TPD52L1: variants seen among roughly 807,000 people sequenced by gnomAD.
TPD52L1 encodes the protein tumor protein D53.
Under a neutral mutation model 28.7 loss-of-function variants are expected in TPD52L1, and 18 were observed. The ratio of observed to expected loss-of-function variants is 0.63; its 90% CI spans 0.43 to 0.93. TPD52L1 has a LOEUF of 0.93. TPD52L1 is among the 40% of genes least tolerant of loss of function. The pLI is 0.00. For synonymous variants in TPD52L1, 75 were observed against 88.8 expected, an observed-to-expected ratio of 0.84 and a Z score of 0.88; for missense variants, 203 against 254.8, an observed-to-expected ratio of 0.80 and a Z score of 1.39.
intron 3 of TPD52L1, among the ~76,000 whole-genome samples, chr6:125,247,318 T>C (rs1201137817): frequency 6.6e-6 from 1 of 152,210 alleles, no homozygotes; most frequent in Admixed American, 6.5e-5. Flanking sequence ...GTTGATTTAC[T>C]ATTATTCCTC....
In TPD52L1 at chr6:125,220,167, G is replaced by A. The variant is rs1457816825; in HGVS notation, c.109G>A (p.Glu37Lys). 7.4e-6 allele frequency: 12 copies of A among 1,613,370 alleles called. No homozygotes were observed. In the East Asian group the frequency reaches 1.6e-4, roughly 21 times the overall value. Residue 37 changes from glutamate (E) to lysine (K), a missense_variant, in exon 2 of 7, where the codon GAA becomes AAA. By Grantham distance (56) the Glu-to-Lys change is moderately conservative. Transcript: ENST00000534000. The stretch of plus-strand genomic sequence containing the variant: ...TAGCATGCTCTCTGAGGAGGAAAAG[G>A]AAGAGTTAAAAGCAGAGTTAGTTCA... ...FSSMLSEEEKEELKAELVQLE... is the reference protein window; with the variant it reads ...FSSMLSEEEKKELKAELVQLE...
At position 125,257,061 on chromosome 6, in the gene TPD52L1, G is replaced by A. The variant is rs765133035; in HGVS notation, c.426-37G>A. On this transcript the variant is annotated intron_variant, in intron 5 of 6. Transcript: ENST00000534000. ...ACAGCATGGTTGCTAAGACAGCTAGGCCTTTGGAGCTGACCTCTCTCTTTT... is the reference window on the plus strand; with the variant it reads ...ACAGCATGGTTGCTAAGACAGCTAGACCTTTGGAGCTGACCTCTCTCTTTT... 13 of 1,578,338 alleles carry A rather than the reference G, an allele frequency of 8.2e-6. No individual in the cohort carries two copies. The East Asian group carries it at 2.0e-4, about 25-fold the overall frequency.
At chr6:125,260,868 G>A (rs1797878360) in intron 6 of TPD52L1, 1 of 137,488 alleles carries the variant, frequency 7.3e-6, no homozygotes, top group Non-Finnish European at 1.6e-5. Context: ...GAGAAAGAAA[G>A]AAAAGAAAGA....
chr6:125,204,253 A>G (rs902565503), intron 1 of TPD52L1, among the ~76,000 whole-genome samples: 1 of 152,196 alleles, frequency 6.6e-6, no homozygotes, highest in Non-Finnish European at 1.5e-5. Flanking sequence ...TGATAGAATG[A>G]AAGCTAGACC....
In TPD52L1 at chr6:125,175,080, A is replaced by G. The variant is rs1791736734; in HGVS notation, c.19+21110A>G. ...TTACTCTGCCTTATTTTTCTTCACA[A>G]ACTATGACATTTTATATTATGCATA... On this transcript the variant is annotated intron_variant, in intron 1 of 6. Coordinates refer to ENST00000534000, the MANE Select transcript of TPD52L1 (RefSeq NM_003287.4). Among the ~76,000 whole-genome samples, 2 of 152,234 alleles carry G rather than the reference A, an allele frequency of 1.3e-5. 1 individual carries two copies. The highest frequency in any genetic ancestry group is 6.8e-3 in the Middle Eastern group (2 of 294).
chr6:125,159,051 T>G lies in TPD52L1; in HGVS notation c.19+5081T>G, dbSNP rs909671200. ...CTGGATGTCGATGGCTGCTGACTGA[T>G]CCGAATGGTGGTTGCCGAAGGCTGA... On this transcript the variant is annotated intron_variant, in intron 1 of 6. Transcript: ENST00000534000. Among the ~76,000 whole-genome samples the G allele has an allele frequency of 3.3e-5, 5 of 152,222 alleles. No individual in the cohort carries two copies. The South Asian group carries it at 1.0e-3, about 32-fold the overall frequency.
At chr6:125,253,057 A>G (rs1797376138) in intron 4 of TPD52L1, 1 of 152,292 alleles carries the variant, frequency 6.6e-6, no homozygotes, top group Admixed American at 6.5e-5. Context: ...AACCAGAGGG[A>G]AGATGAATCA....
At chr6:125,172,525 T>TATA (rs1554202596) in intron 1 of TPD52L1, among the ~76,000 whole-genome samples, 1 of 71,198 alleles carries the variant, frequency 1.4e-5, no homozygotes, top group African/African-American at 7.6e-5. Context: ...TATATATATA[T>TATA]ATATATATAT....
rs991553816 is a variant in TPD52L1, at chr6:125,154,406, A to G, written c.19+436A>G. The G allele has an allele frequency of 2.3e-4, 230 of 992,634 alleles. 2 individuals are homozygous for G. In the African/African-American group the frequency reaches 3.7e-3, roughly 16 times the overall value. 61.5% of individuals were successfully genotyped at this position (992,634 alleles called of 1,614,324 possible). A position where few individuals can be genotyped will look rare whatever the true frequency, so the allele number is the denominator to read the frequency against. On this transcript the variant is annotated intron_variant, in intron 1 of 6. Coordinates refer to ENST00000534000, the MANE Select transcript of TPD52L1 (RefSeq NM_003287.4). ...GCGGCTTGTGGCTCCCAAGTTAGGG[A>G]GTGAGAGGATCGCCCGCCGAGGGGG... is the stretch of plus-strand genomic sequence containing the variant.
At chr6:125,175,576 C>G (rs935571134) in intron 1 of TPD52L1, among the ~76,000 whole-genome samples, 3 of 151,932 alleles carry the variant, frequency 2.0e-5, no homozygotes, top group African/African-American at 7.3e-5. Flanking sequence ...AATATGGGAA[C>G]TGGGGAGGAA....
chr6:125,180,904 T>C lies in TPD52L1; in HGVS notation c.19+26934T>C, dbSNP rs1792149545. ...TATTATCATAGGTCTTTATGTTTGC[T>C]GAATGCTTTTCAGTATATCTGATTG... On this transcript the variant is annotated intron_variant, in intron 1 of 6. Transcript: ENST00000534000. Among the ~76,000 whole-genome samples the C allele has an allele frequency of 4.3e-5, 6 of 141,138 alleles. No homozygotes were observed. The South Asian group carries it at 1.4e-3, about 32-fold the overall frequency. The allele number at this position is 141,138 out of a possible 152,430, so 92.6% of individuals were successfully genotyped here. A position where few individuals can be genotyped will look rare whatever the true frequency, so the allele number is the denominator to read the frequency against.
At chr6:125,203,336 C>T (rs1793914652) in intron 1 of TPD52L1, among the ~76,000 whole-genome samples, 1 of 151,910 alleles carries the variant, frequency 6.6e-6, no homozygotes, top group African/African-American at 2.4e-5. Context: ...GTTTTTCCTT[C>T]CCAAATTTGT....
At chr6:125,259,999 AT>A (rs1304224736) in intron 6 of TPD52L1, 1 of 152,244 alleles carries the variant, frequency 6.6e-6, no homozygotes, top group Non-Finnish European at 1.5e-5. Context: ...TCTTTGCCAA[AT>A]TGATTTCTTA....
chr6:125,238,884 GGC>G (rs1796443692), intron 3 of TPD52L1, among the ~76,000 whole-genome samples: 1 of 152,140 alleles, frequency 6.6e-6, no homozygotes, highest in Non-Finnish European at 1.5e-5. Context: ...TCAGTTGATG[GGC>G]ATGTAAGCTG....
At chr6:125,210,444 A>G (rs1794418604) in intron 1 of TPD52L1, among the ~76,000 whole-genome samples, 1 of 152,236 alleles carries the variant, frequency 6.6e-6, no homozygotes, top group African/African-American at 2.4e-5. Context: ...AGAGAAGGTA[A>G]TGCCAAATGA....
intron 1 of TPD52L1, among the ~76,000 whole-genome samples, chr6:125,158,882 T>C (rs1207391958): frequency 1.3e-5 from 2 of 152,256 alleles, no homozygotes; most frequent in East Asian, 3.8e-4. Context: ...GTTTATACTA[T>C]ACTGTAGTTT....
At chr6:125,186,283 T>C (rs62432190) in intron 1 of TPD52L1, among the ~76,000 whole-genome samples, 13,537 of 152,182 alleles carry the variant, frequency 0.089, 717 homozygotes, top group Middle Eastern at 0.14. Flanking sequence ...ACCGCCTCTG[T>C]CACAACCACT....
Position 125,180,569 on chromosome 6 carries a change from T to TACAC in TPD52L1, c.19+26622_19+26625dup, listed in dbSNP as rs374673277. 4.7e-5 allele frequency among the ~76,000 whole-genome samples: 7 copies of TACAC among 150,146 alleles called. No homozygotes were observed. In the South Asian group the frequency reaches 6.4e-4, roughly 14 times the overall value. On this transcript the variant is annotated intron_variant, in intron 1 of 6. Transcript: ENST00000534000. The stretch of plus-strand genomic sequence containing the variant: ...TACACACACACACATATATTATATA[T>TACAC]ACACACACACACACACACACACACA...
At chr6:125,237,680 C>T (rs558170446) in intron 3 of TPD52L1, among the ~76,000 whole-genome samples, 2 of 152,132 alleles carry the variant, frequency 1.3e-5, no homozygotes, top group South Asian at 4.2e-4. Context: ...TCACTTCCAA[C>T]TCCTTTATTT....
Sources: allele counts gnomAD v4.1 joint callset (sites outside exome capture counted in the v4.1 genomes callset), GRCh38; gene constraint gnomAD v4.1.1; transcripts MANE v1.5; gene names NCBI Gene and HGNC (gene_info 2026-07-23, HGNC 2026-07-21).